The following GOLGA4 variants were observed in gnomAD, a reference collection of about 807,000 sequenced individuals.
GOLGA4 encodes golgin subfamily A member 4.
GOLGA4 carries 169 observed loss-of-function variants against 265.9 expected under a neutral mutation model. The ratio of observed to expected loss-of-function variants is 0.64; its 90% CI spans 0.56 to 0.72. The LOEUF (loss-of-function observed/expected upper bound fraction) is 0.72, where lower values mean the gene tolerates loss of function less well. GOLGA4 is among the 30% of genes least tolerant of loss of function. GOLGA4 has a pLI of 0.00. For synonymous variants in GOLGA4, 923 were observed against 855.8 expected, an observed-to-expected ratio of 1.08 and a Z score of -1.37; for missense variants, 2,482 against 2,483.4, an observed-to-expected ratio of 1.00 and a Z score of 0.01.
At chr3:37,284,352 C>T (rs955678618) in intron 3 of GOLGA4, among the ~76,000 whole-genome samples, 1 of 152,066 alleles carries the variant, frequency 6.6e-6, no homozygotes, top group Non-Finnish European at 1.5e-5. Flanking sequence ...GCAACCTCCG[C>T]CTACTGGGTC....
Position 37,290,643 on chromosome 3 carries a change from G to A in GOLGA4, c.582+1352G>A, listed in dbSNP as rs116451018. Among the ~76,000 whole-genome samples, 974 of 152,134 alleles carry A rather than the reference G, an allele frequency of 6.4e-3. 6 individuals carry two copies. The highest frequency in any genetic ancestry group is 0.023 in the African/African-American group (936 of 41,494). ...GTACAACTTCTTTTGGATTAATAAC[G>A]TAGAAAAATGTATACCCACTTTGGA... is the stretch of plus-strand genomic sequence containing the variant. On this transcript the variant is annotated intron_variant, in intron 5 of 23. Transcript: ENST00000361924.
At chr3:37,356,969 A>G (rs1437408392) in intron 22 of GOLGA4, among the ~76,000 whole-genome samples, 2 of 152,150 alleles carry the variant, frequency 1.3e-5, no homozygotes, top group African/African-American at 4.8e-5. Context: ...ATTCCCCTTC[A>G]TTCCATATAC....
At chr3:37,321,550 A>C (rs1346739100) in intron 12 of GOLGA4, 181 bp from the exon 13 acceptor site, 1 of 552,892 alleles carries the variant, frequency 1.8e-6, no homozygotes, top group African/African-American at 1.9e-5. Context: ...CAATTACCCC[A>C]CTGGAAAAGC....
chr3:37,336,093 A>C (rs1003815433), intron 17 of GOLGA4, among the ~76,000 whole-genome samples: 3 of 152,168 alleles, frequency 2.0e-5, no homozygotes, highest in African/African-American at 7.2e-5. Flanking sequence ...AGCCTCTATA[A>C]AGAGCTTTGC....
At chr3:37,301,785 T>C (rs1369781333) in intron 9 of GOLGA4, among the ~76,000 whole-genome samples, 2 of 152,266 alleles carry the variant, frequency 1.3e-5, no homozygotes, top group Non-Finnish European at 2.9e-5. Context: ...ATTTTTTGTT[T>C]TTTAATTTTT....
At chr3:37,272,520 G>C (rs1179889166) in intron 2 of GOLGA4, among the ~76,000 whole-genome samples, 1 of 152,126 alleles carries the variant, frequency 6.6e-6, no homozygotes, top group African/African-American at 2.4e-5. Context: ...TTGGGCAATG[G>C]AGCAAGACCC....
At chr3:37,348,037 CTG>C (rs1410670138) in intron 21 of GOLGA4, among the ~76,000 whole-genome samples, 3 of 151,960 alleles carry the variant, frequency 2.0e-5, no homozygotes, top group African/African-American at 7.2e-5. Context: ...TTTTAATTGT[CTG>C]TGTGCCGTGG....
At chr3:37,362,237 ATTATTTTT>A (rs1227567227) in intron 23 of GOLGA4, among the ~76,000 whole-genome samples, 1 of 54,388 alleles carries the variant, frequency 1.8e-5, no homozygotes, top group African/African-American at 4.9e-5. Context: ...TTATTTATTT[ATTATTTTT>A]TTTTTTTTTG....
At chr3:37,269,880 GGTA>G (rs1013427747) in intron 2 of GOLGA4, among the ~76,000 whole-genome samples, 1 of 146,500 alleles carries the variant, frequency 6.8e-6, no homozygotes, top group African/African-American at 2.5e-5. Flanking sequence ...ACAATTGTAG[GGTA>G]GCTTTTTTTT....
intron 10 of GOLGA4, among the ~76,000 whole-genome samples, chr3:37,303,637 T>A (rs1439144055): frequency 6.6e-6 from 1 of 152,214 alleles, no homozygotes; most frequent in African/African-American, 2.4e-5. Context: ...GGAACATCTT[T>A]CAGGAGTCAT....
At chr3:37,243,729 C>T (rs1220161063) in intron 1 of GOLGA4, 107 bp downstream of exon 1, 1 of 882,102 alleles carries the variant, frequency 1.1e-6, no homozygotes, top group Non-Finnish European at 1.8e-6. Context: ...CCTTTAACCC[C>T]TAACCCGCAC....
chr3:37,286,888 G>T (rs1029553624), intron 4 of GOLGA4, among the ~76,000 whole-genome samples: 34 of 152,210 alleles, frequency 2.2e-4, no homozygotes, highest in African/African-American at 8.2e-4. Context: ...ATTATATTCA[G>T]GGTGACCCAC....
In GOLGA4 at chr3:37,319,122, A is replaced by T. The variant is rs2096946873; in HGVS notation, c.1473A>T (p.Arg491Ser). Reference sequence around the variant, plus strand: ...AGCTTCATGAAAAGGAGCTGGCCAGAAAAGAGCAGGAACTGACCAAGAAGC... The same window carrying T: ...AGCTTCATGAAAAGGAGCTGGCCAGTAAAGAGCAGGAACTGACCAAGAAGC... ...LQKLHEKELA[R>S]KEQELTKKLQ... Residue 491 changes from arginine (R) to serine (S), a missense_variant, in exon 12 of 24, where the codon AGA becomes AGT. Physicochemically the swap from Arg to Ser is moderately radical, Grantham distance 110. Transcript: ENST00000361924. 2.5e-6 allele frequency: 4 copies of T among 1,611,918 alleles called. No individual in the cohort carries two copies. The highest frequency in any genetic ancestry group is 3.4e-6 in the Non-Finnish European group (4 of 1,178,586).
At chr3:37,337,120 GT>G in intron 17 of GOLGA4, 22 bp from the exon 18 acceptor site, 4 of 1,367,920 alleles carry the variant, frequency 2.9e-6, no homozygotes, top group Non-Finnish European at 3.1e-6. Flanking sequence ...ATACACTCAT[GT>G]TTTTTCTTTC....
Position 37,328,397 on chromosome 3 carries a change from G to A in GOLGA4, c.5940-19G>A. On this transcript the variant is annotated intron_variant, in intron 14 of 23. Transcript: ENST00000361924. Reference sequence around the variant, plus strand: ...GTTCTTTGTGTGGCAGCAGTTAACGGTACATTTTTATTACTCAGACAGGAG... The same window carrying A: ...GTTCTTTGTGTGGCAGCAGTTAACGATACATTTTTATTACTCAGACAGGAG... 1 of 1,607,408 alleles carries A rather than the reference G, an allele frequency of 6.2e-7. No homozygotes were observed. The highest frequency in any genetic ancestry group is 1.1e-5 in the South Asian group (1 of 89,782).
intron 3 of GOLGA4, 128 bp from the exon 4 acceptor site, chr3:37,285,886 A>G: frequency 1.9e-6 from 1 of 519,870 alleles, no homozygotes; most frequent in Non-Finnish European, 3.5e-6. Flanking sequence ...TCATGCATCT[A>G]ATTAGGTTAT....
rs1006588832 is a variant in GOLGA4 at position 37,337,280 on chromosome 3, A to G, written c.6327+117A>G. 2.6e-4 allele frequency: 169 copies of G among 643,016 alleles called. No individual in the cohort carries two copies. In the East Asian group the frequency reaches 4.1e-3, roughly 16 times the overall value. The allele number at this position is 643,016 out of a possible 1,614,324, so 39.8% of individuals were successfully genotyped here. ...AGTGATGCAATCTTGGCTCACTGCA[A>G]CCTCTGCCTCCTGAGTTCAGGTATT... On this transcript the variant is annotated intron_variant, in intron 18 of 23. Transcript: ENST00000361924.
At chr3:37,310,817 G>A (rs964077151) in intron 10 of GOLGA4, among the ~76,000 whole-genome samples, 4 of 151,758 alleles carry the variant, frequency 2.6e-5, no homozygotes, top group Admixed American at 6.6e-5. Flanking sequence ...AACATTCTGC[G>A]GCAGTTCGTG....
chr3:37,278,018 TGAA>T (rs1176981973), intron 2 of GOLGA4, among the ~76,000 whole-genome samples: 11 of 152,192 alleles, frequency 7.2e-5, no homozygotes, highest in Admixed American at 7.2e-4. Context: ...AGTTCATAGT[TGAA>T]GATTTTGTTT....
Sources: allele counts gnomAD v4.1 joint callset (sites outside exome capture counted in the v4.1 genomes callset), GRCh38; gene constraint gnomAD v4.1.1; transcripts MANE v1.5; gene names NCBI Gene and HGNC (gene_info 2026-07-23, HGNC 2026-07-21).